FBXW4: variants seen among roughly 807,000 people sequenced by gnomAD.
The protein encoded by FBXW4 is F-box/WD repeat-containing protein 4.
A neutral mutation model predicts 61.8 loss-of-function variants in FBXW4; 40 were observed. The ratio of observed to expected loss-of-function variants is 0.65; its 90% CI spans 0.50 to 0.84. The LOEUF (loss-of-function observed/expected upper bound fraction) is 0.84. Among genes scored for constraint, FBXW4 ranks in the 40% least tolerant of loss-of-function variants. The pLI, the probability that FBXW4 is intolerant of heterozygous loss-of-function variation, is 0.00. For missense variants in FBXW4, 672 were observed against 753.8 expected (o/e 0.89, Z 1.27); for synonymous variants, 311 against 313.8 (o/e 0.99, Z 0.10).
chr10:101,635,126 T>C (rs1185600953), intron 5 of FBXW4, among the ~76,000 whole-genome samples: 1 of 149,204 alleles, frequency 6.7e-6, no homozygotes, highest in Non-Finnish European at 1.5e-5. Context: ...TCCTGTTAGA[T>C]CAGGGGTAGC....
intron 6 of FBXW4, among the ~76,000 whole-genome samples, chr10:101,623,217 T>C (rs1348896079): frequency 6.6e-6 from 1 of 152,122 alleles, no homozygotes; most frequent in Non-Finnish European, 1.5e-5. Flanking sequence ...AGCCCAGGAC[T>C]AGCCTGGGCA....
chr10:101,676,480 G>A (rs772128782), intron 1 of FBXW4, 44 bp from the exon 2 acceptor site: 2 of 1,512,958 alleles, frequency 1.3e-6, no homozygotes, highest in Admixed American at 1.7e-5. Flanking sequence ...ACAACTTATT[G>A]CCAACCACAG....
intron 1 of FBXW4, among the ~76,000 whole-genome samples, chr10:101,682,258 G>A (rs1285680379): frequency 6.6e-6 from 1 of 152,052 alleles, no homozygotes; most frequent in Non-Finnish European, 1.5e-5. Flanking sequence ...TTAGGACTTG[G>A]CTATACACAT....
intron 1 of FBXW4, among the ~76,000 whole-genome samples, chr10:101,690,510 G>A (rs2064586154): frequency 6.6e-6 from 1 of 152,092 alleles, no homozygotes; most frequent in African/African-American, 2.4e-5. Flanking sequence ...AGTGTTCACT[G>A]TTCGGGCAAG....
chr10:101,656,716 G>A (rs568850343), intron 5 of FBXW4, among the ~76,000 whole-genome samples: 1 of 152,186 alleles, frequency 6.6e-6, no homozygotes, highest in Non-Finnish European at 1.5e-5. Flanking sequence ...AGGCAGCAGG[G>A]CAAGCTAAGC....
chr10:101,669,168 C>G (rs1269449259), intron 4 of FBXW4, among the ~76,000 whole-genome samples: 3 of 152,006 alleles, frequency 2.0e-5, no homozygotes, highest in African/African-American at 7.3e-5. Context: ...TTTCCCAACA[C>G]AGTGAAAAGA....
chr10:101,611,388 G>A lies in FBXW4; in HGVS notation c.1607C>T (p.Pro536Leu), dbSNP rs537956623. ...CLHAFPLTST[P>L]LSSPVYCLRL... The stretch of plus-strand genomic sequence containing the variant: ...CAGGCAGTACACAGGGCTGCTGAGG[G>A]GAGTCGACGTCAGCGGGAAGGCCTG... Residue 536 changes from proline to leucine, a missense_variant, in exon 9 of 9, where the codon CCC becomes CTC. Around this residue, in one of 5 missense-constraint regions of FBXW4, gnomAD observed 312 missense variants for 370.1 expected, o/e 0.84. Transcript: ENST00000331272. The surrounding 1 kb of genome is among the most constrained non-coding windows in gnomAD (Gnocchi z 4.9). The A allele has an allele frequency of 6.2e-7, 1 of 1,613,986 alleles. No homozygotes were observed. The highest frequency in any genetic ancestry group is 1.3e-5 in the African/African-American group (1 of 75,058).
chr10:101,663,682 T>C (rs1310848474), intron 5 of FBXW4, among the ~76,000 whole-genome samples: 2 of 151,578 alleles, frequency 1.3e-5, no homozygotes, highest in African/African-American at 4.8e-5. Flanking sequence ...TCTTGGGAAG[T>C]TGCTCAGAAT....
At chr10:101,693,104 T>C (rs2064629425) in intron 1 of FBXW4, among the ~76,000 whole-genome samples, 1 of 152,144 alleles carries the variant, frequency 6.6e-6, no homozygotes, top group African/African-American at 2.4e-5. Context: ...GTAAAAGAGA[T>C]GCAAAATAAC....
intron 4 of FBXW4, among the ~76,000 whole-genome samples, chr10:101,671,471 C>G (rs900341299): frequency 6.6e-6 from 1 of 152,152 alleles, no homozygotes; most frequent in Admixed American, 6.5e-5. Context: ...AACAAACTTG[C>G]TATTCTTCGT....
At chr10:101,666,967 C>G (rs1043720472) in intron 5 of FBXW4, among the ~76,000 whole-genome samples, 5 of 151,274 alleles carry the variant, frequency 3.3e-5, no homozygotes. Flanking sequence ...CACAGTGGCT[C>G]ACAACTGTAA....
intron 6 of FBXW4, among the ~76,000 whole-genome samples, chr10:101,621,998 G>A (rs955389856): frequency 1.3e-5 from 2 of 152,154 alleles, no homozygotes; most frequent in African/African-American, 4.8e-5. Flanking sequence ...GCTACCAAAA[G>A]ACGGAATGGT....
At position 101,694,473 on chromosome 10, in the gene FBXW4, G is replaced by C; in HGVS notation, c.633C>G (p.Arg211=). 2 of 1,533,292 alleles carry C rather than the reference G, an allele frequency of 1.3e-6. No individual in the cohort carries two copies. Among genetic ancestry groups the C allele is most frequent in the Non-Finnish European group, 1.7e-6 (2 of 1,151,378 alleles). The allele number at this position is 1,533,292 out of a possible 1,614,324, so 95.0% of individuals were successfully genotyped here. ...RALGRLAQVC[R]WLRRFTSCDL... ...CGCAGCTGGTGAAGCGCCGCAGCCA[G>C]CGGCACACCTGGGCCAGGCGGCCGA... The change falls in exon 1 of 9, where the codon CGC becomes CGG. Residue 211 remains arginine (R), a synonymous_variant. Transcript: ENST00000331272. This position sits in a 1 kb window ranked among gnomAD's most constrained non-coding sequence, Gnocchi z 6.0.
intron 5 of FBXW4, among the ~76,000 whole-genome samples, chr10:101,654,723 T>C (rs2080698): frequency 1 from 151,862 of 152,372 alleles, 75,680 homozygotes; most frequent in East Asian, 1. Flanking sequence ...CATAAATGTA[T>C]ATCTGTGTCA....
At chr10:101,632,270 G>T (rs1461060497) in intron 5 of FBXW4, among the ~76,000 whole-genome samples, 1 of 152,076 alleles carries the variant, frequency 6.6e-6, no homozygotes, top group Non-Finnish European at 1.5e-5. Flanking sequence ...GCAGGATGGT[G>T]CAAGTAGGTG....
At chr10:101,629,105 G>A (rs964633397) in intron 5 of FBXW4, among the ~76,000 whole-genome samples, 2 of 152,212 alleles carry the variant, frequency 1.3e-5, no homozygotes, top group Non-Finnish European at 2.9e-5. Context: ...AGGTAAGAAG[G>A]GAAATTAGTT....
At chr10:101,628,092 G>C in intron 5 of FBXW4, 1 of 463,082 alleles carries the variant, frequency 2.2e-6, no homozygotes, top group Non-Finnish European at 2.8e-6. Context: ...AATACTTGGA[G>C]ATCAATGAAA....
chr10:101,614,668 A>G lies in FBXW4; in HGVS notation c.1302-2191T>C, dbSNP rs375986749. Among the ~76,000 whole-genome samples the G allele has an allele frequency of 1.1e-4, 17 of 152,310 alleles. 1 individual carries two copies. In the East Asian group the frequency reaches 1.4e-3, roughly 12 times the overall value. On this transcript the variant is annotated intron_variant, in intron 6 of 8. Coordinates refer to ENST00000331272, the MANE Select transcript of FBXW4 (RefSeq NM_022039.4). ...TGTTCTCTGGTTCTCTAAAATGGCC[A>G]CACACACTTTAAATGGGCCAATGAA...
intron 6 of FBXW4, among the ~76,000 whole-genome samples, chr10:101,615,657 G>A (rs1483586229): frequency 1.3e-5 from 2 of 152,138 alleles, no homozygotes; most frequent in African/African-American, 2.4e-5. Flanking sequence ...TACTGCAGCT[G>A]GAGGGAGAGA....
Sources: gnomAD v4.1 joint callset for allele counts (sites outside exome capture counted in the v4.1 genomes callset) on GRCh38, gnomAD v4.1.1 for gene constraint, gnomAD v4.1.1 regional missense constraint, Gnocchi (gnomAD v3.1) non-coding constraint, MANE v1.5 for transcripts, NCBI Gene and HGNC (gene_info 2026-07-23, HGNC 2026-07-21) for gene names.